The following NREP variants were observed in gnomAD, a reference collection of about 807,000 sequenced individuals.
NREP encodes the protein neuronal regeneration-related protein.
NREP carries 5 observed loss-of-function variants against 8.6 expected under a neutral mutation model. The ratio of observed to expected loss-of-function variants is 0.58; its 90% CI spans 0.30 to 1.22. The LOEUF is 1.22. Among genes scored for constraint, NREP ranks in the 50% most tolerant of loss-of-function variants. The pLI, the probability that NREP is intolerant of heterozygous loss-of-function variation, is 0.07. For missense variants in NREP, 86 were observed against 82.5 expected (o/e 1.04, Z -0.17); for synonymous variants, 27 against 28.0 (o/e 0.96, Z 0.11).
chr5:111,853,687 T>C (rs1348308150), intron 2 of NREP, among the ~76,000 whole-genome samples: 1 of 152,086 alleles, frequency 6.6e-6, no homozygotes, highest in Non-Finnish European at 1.5e-5. Flanking sequence ...TCTTCTTTTT[T>C]TTTTCTTAAA....
At chr5:111,825,646 A>C (rs1458137745) in intron 2 of NREP, among the ~76,000 whole-genome samples, 1 of 152,198 alleles carries the variant, frequency 6.6e-6, no homozygotes, top group African/African-American at 2.4e-5. Context: ...GGAAGGATGT[A>C]GGTAGGAAAA....
chr5:111,732,174 G>A (rs1748651540), intron 3 of NREP: 1 of 152,020 alleles, frequency 6.6e-6, no homozygotes, highest in African/African-American at 2.4e-5. Flanking sequence ...TTGGATTAAA[G>A]TGATAATCTT....
In NREP at chr5:111,849,927, T is replaced by C. The variant is rs905821232; in HGVS notation, c.136-114420A>G. Among the ~76,000 whole-genome samples the C allele has an allele frequency of 5.3e-5, 8 of 152,118 alleles. No homozygotes were observed. In the South Asian group the frequency reaches 1.2e-3, roughly 24 times the overall value. On this transcript the variant is annotated intron_variant, in intron 2 of 3. Coordinates refer to the NREP transcript ENST00000395634. ...CTTAGACTATGAGATGGAAGCCCAG[T>C]GCCAAGGAAGCAGAGCAATAAGGCT... is the stretch of plus-strand genomic sequence containing the variant.
At chr5:111,931,672 G>C (rs375677310) in intron 2 of NREP, among the ~76,000 whole-genome samples, 2 of 152,074 alleles carry the variant, frequency 1.3e-5, no homozygotes, top group South Asian at 2.1e-4. Flanking sequence ...TGCAGCAGTA[G>C]ATAACTAAAA....
At chr5:111,830,175 T>C (rs1204699581) in intron 2 of NREP, among the ~76,000 whole-genome samples, 1 of 152,108 alleles carries the variant, frequency 6.6e-6, no homozygotes, top group East Asian at 1.9e-4. Context: ...GTTGTTGTTG[T>C]TCATCAGCTA....
chr5:111,954,440 T>C (rs1421981401), intron 2 of NREP, among the ~76,000 whole-genome samples: 1 of 151,996 alleles, frequency 6.6e-6, no homozygotes, highest in East Asian at 1.9e-4. Context: ...TTACTAGTGA[T>C]ATGTTTTGGT....
chr5:111,808,681 T>C (rs756009506), intron 2 of NREP, among the ~76,000 whole-genome samples: 4 of 152,222 alleles, frequency 2.6e-5, no homozygotes, highest in Non-Finnish European at 4.4e-5. Flanking sequence ...TTCGATAATA[T>C]TCCATTTAAG....
chr5:111,760,690 G>C (rs1750940609), upstream of NREP, among the ~76,000 whole-genome samples: 1 of 152,152 alleles, frequency 6.6e-6, no homozygotes, highest in Non-Finnish European at 1.5e-5. Context: ...GGGGCCTTCT[G>C]AGCAGAGGCA....
chr5:111,812,831 T>C (rs1248450500), intron 2 of NREP, among the ~76,000 whole-genome samples: 1 of 152,174 alleles, frequency 6.6e-6, no homozygotes, highest in Non-Finnish European at 1.5e-5. Context: ...ATAATAATAA[T>C]ATTAATCTTA....
chr5:111,928,695 G>C (rs937365836), intron 2 of NREP, among the ~76,000 whole-genome samples: 9 of 152,210 alleles, frequency 5.9e-5, no homozygotes, highest in East Asian at 3.9e-4. Flanking sequence ...TAAGTCCTGA[G>C]CAATGCACCA....
intron 2 of NREP, among the ~76,000 whole-genome samples, chr5:111,836,806 GT>G (rs1752906803): frequency 6.6e-6 from 1 of 152,014 alleles, no homozygotes; most frequent in South Asian, 2.1e-4. Context: ...CATTTTTTGT[GT>G]ATATAACTTC....
At chr5:111,878,769 C>T (rs1481191658) in intron 2 of NREP, among the ~76,000 whole-genome samples, 3 of 152,158 alleles carry the variant, frequency 2.0e-5, no homozygotes, top group African/African-American at 7.2e-5. Context: ...GCACTTCTCT[C>T]ATCCATGGGC....
At chr5:111,802,225 G>C (rs747202181) in intron 2 of NREP, among the ~76,000 whole-genome samples, 22 of 152,182 alleles carry the variant, frequency 1.4e-4, no homozygotes, top group Non-Finnish European at 2.9e-4. Context: ...ATAAGATTTA[G>C]TTGAAAGTTT....
chr5:111,834,485 T>G (rs1349732929), intron 2 of NREP, among the ~76,000 whole-genome samples: 1 of 152,164 alleles, frequency 6.6e-6, no homozygotes, highest in African/African-American at 2.4e-5. Context: ...ATAGACTAAT[T>G]AAGAAAATGG....
At chr5:111,905,263 G>A (rs1235695138) in intron 2 of NREP, among the ~76,000 whole-genome samples, 1 of 152,134 alleles carries the variant, frequency 6.6e-6, no homozygotes, top group Non-Finnish European at 1.5e-5. Context: ...CACGTGGTAA[G>A]ACTGTGTTTA....
At chr5:111,838,228 T>A (rs1194117701) in intron 2 of NREP, among the ~76,000 whole-genome samples, 1 of 152,188 alleles carries the variant, frequency 6.6e-6, no homozygotes, top group Middle Eastern at 3.2e-3. Context: ...TTGCAGAATG[T>A]CTTCTAAATT....
At chr5:111,971,071 T>C (rs544634588) in intron 2 of NREP, among the ~76,000 whole-genome samples, 1 of 152,240 alleles carries the variant, frequency 6.6e-6, no homozygotes, top group South Asian at 2.1e-4. Context: ...AGTCCGGGTA[T>C]ATATTTATTA....
chr5:111,973,878 C>T (rs1756889273), intron 2 of NREP, among the ~76,000 whole-genome samples: 1 of 152,164 alleles, frequency 6.6e-6, no homozygotes, highest in African/African-American at 2.4e-5. Context: ...GTCCAAGTTA[C>T]CTGGTTTAAT....
At chr5:111,871,053 CGTGTGTGTGTGTGTGT>C (rs34667486) in intron 2 of NREP, among the ~76,000 whole-genome samples, 3,092 of 142,694 alleles carry the variant, frequency 0.022, 53 homozygotes, top group Non-Finnish European at 0.028. Context: ...GAACCAATGG[CGTGTGTGTGTGTGTGT>C]GTGTGTGTGT....
Sources: allele counts gnomAD v4.1 joint callset (sites outside exome capture counted in the v4.1 genomes callset), GRCh38; gene constraint gnomAD v4.1.1; transcripts MANE v1.5; gene names NCBI Gene and HGNC (gene_info 2026-07-23, HGNC 2026-07-21).